The following DCUN1D1 variants were observed in gnomAD, a reference collection of about 807,000 sequenced individuals.
DCUN1D1 encodes defective in cullin neddylation 1 domain containing 1, also known as DCN1-like protein 1.
A neutral mutation model predicts 39.0 loss-of-function variants in DCUN1D1; 3 were observed. The ratio of observed to expected loss-of-function variants is 0.08; its 90% CI spans 0.04 to 0.20. The LOEUF (loss-of-function observed/expected upper bound fraction) is 0.20. Among genes scored for constraint, DCUN1D1 ranks in the 10% least tolerant of loss-of-function variants. DCUN1D1 has a pLI of 1.00. For synonymous variants in DCUN1D1, 82 were observed against 96.3 expected (o/e 0.85, Z 0.87); for missense variants, 158 against 302.4 (o/e 0.52, Z 3.54).
intron 1 of DCUN1D1, among the ~76,000 whole-genome samples, chr3:182,976,941 T>TA (rs1361860035): frequency 6.6e-6 from 1 of 152,268 alleles, no homozygotes; most frequent in African/African-American, 2.4e-5. Flanking sequence ...TATTTGAATT[T>TA]ACAAATTCTA....
Position 182,949,300 on chromosome 3 carries a change from T to C in DCUN1D1, c.521-1668A>G, listed in dbSNP as rs560929927. 4.6e-5 allele frequency among the ~76,000 whole-genome samples: 7 copies of C among 152,066 alleles called. No homozygotes were observed. In the East Asian group the frequency reaches 5.8e-4, roughly 13 times the overall value. ...ATTTCTTGAACCTGGGAGGTGGAGG[T>C]TGCAGGGGGCCAAGATCATGCCACT... On this transcript the variant is annotated intron_variant, in intron 4 of 6. Transcript: ENST00000292782.
chr3:182,948,116 T>C (rs776724097), intron 4 of DCUN1D1, among the ~76,000 whole-genome samples: 1 of 152,136 alleles, frequency 6.6e-6, no homozygotes, highest in Non-Finnish European at 1.5e-5. Context: ...AATGTCTCCA[T>C]ATATTGCCAA....
At chr3:182,946,556 CA>C (rs71185614) in intron 6 of DCUN1D1, among the ~76,000 whole-genome samples, 2,039 of 61,488 alleles carry the variant, frequency 0.033, 20 homozygotes, top group African/African-American at 0.15. Context: ...GACTCCATCT[CA>C]AAAAAAAAAA....
At chr3:182,982,078 T>TC (rs1728572935), upstream of DCUN1D1, among the ~76,000 whole-genome samples, 3 of 152,192 alleles carry the variant, frequency 2.0e-5, no homozygotes, top group Non-Finnish European at 4.4e-5. Flanking sequence ...TCCAATCTGT[T>TC]CTACTCCATT....
At position 182,944,208 on chromosome 3, in the gene DCUN1D1, T is replaced by C. The variant is rs1726279704; in HGVS notation, c.*886A>G. ...TGCCTAAATTTAGAATATTGTATTG[T>C]GTAGCAATCCAAAACATTCAAAACA... On this transcript the variant is annotated 3_prime_UTR_variant, in exon 7 of 7. Coordinates refer to ENST00000292782, the MANE Select transcript of DCUN1D1 (RefSeq NM_020640.4). 1 of 152,606 alleles carries C rather than the reference T, an allele frequency of 6.6e-6. No homozygotes were observed. Among genetic ancestry groups the C allele is most frequent in the Middle Eastern group, 3.2e-3 (1 of 316 alleles). The allele number at this position is 152,606 out of a possible 1,614,324, so 9.5% of individuals were successfully genotyped here. A position where few individuals can be genotyped will look rare whatever the true frequency, so the allele number is the denominator to read the frequency against.
chr3:182,970,349 C>G (rs1390878485), intron 1 of DCUN1D1, among the ~76,000 whole-genome samples: 1 of 152,092 alleles, frequency 6.6e-6, no homozygotes, highest in Non-Finnish European at 1.5e-5. Context: ...GTTTAAAAAG[C>G]CTTCCCATTA....
Position 182,977,895 on chromosome 3 carries a change from C to T in DCUN1D1, c.3+2592G>A, listed in dbSNP as rs189770683. Among the ~76,000 whole-genome samples, 122 of 151,944 alleles carry T rather than the reference C, an allele frequency of 8.0e-4. 1 individual carries two copies. Among genetic ancestry groups the T allele is most frequent in the Admixed American group, 1.8e-3 (27 of 15,278 alleles). On this transcript the variant is annotated intron_variant, in intron 1 of 6. Coordinates refer to ENST00000292782, the MANE Select transcript of DCUN1D1 (RefSeq NM_020640.4). ...TCTCTACTAAAAATACAAAAATCAG[C>T]CGGGTATGTTGGCGGGCACCTATAA...
rs1577150315 is a variant in DCUN1D1, at chr3:182,941,830, C to T, written c.*3264G>A. ...CCACTTTTTTATTCCAAAACTCCTT[C>T]GATTAGGTTTAACTTTCTCCTGTCA... On this transcript the variant is annotated 3_prime_UTR_variant, in exon 7 of 7. Coordinates refer to ENST00000292782, the MANE Select transcript of DCUN1D1 (RefSeq NM_020640.4). 2.0e-5 allele frequency: 3 copies of T among 152,032 alleles called. No individual in the cohort carries two copies. The highest frequency in any genetic ancestry group is 3.8e-4 in the East Asian group (2 of 5,202). The allele number at this position is 152,032 out of a possible 1,614,324, so 9.4% of individuals were successfully genotyped here.
At chr3:182,982,086 A>G (rs1728573288), upstream of DCUN1D1, among the ~76,000 whole-genome samples, 2 of 152,200 alleles carry the variant, frequency 1.3e-5, no homozygotes, top group Admixed American at 1.3e-4. Context: ...GTTCTACTCC[A>G]TTGAAATAAT....
intron 3 of DCUN1D1, among the ~76,000 whole-genome samples, 194 bp downstream of exon 3, chr3:182,963,687 A>G (rs950993191): frequency 2.6e-5 from 4 of 152,244 alleles, no homozygotes; most frequent in African/African-American, 9.6e-5. Flanking sequence ...GCCAAATAGA[A>G]TAGGCTGTAC....
At chr3:182,961,578 A>G (rs1490530821) in intron 3 of DCUN1D1, among the ~76,000 whole-genome samples, 2 of 152,204 alleles carry the variant, frequency 1.3e-5, no homozygotes, top group African/African-American at 4.8e-5. Flanking sequence ...AATTACTTTT[A>G]AAAGAAACAG....
upstream of DCUN1D1, among the ~76,000 whole-genome samples, chr3:182,981,598 A>C (rs906936561): frequency 1.3e-5 from 2 of 152,232 alleles, no homozygotes; most frequent in Non-Finnish European, 2.9e-5. Flanking sequence ...AGAAAGTCAC[A>C]TCTGAAACTG....
chr3:182,974,469 G>A (rs1333916232), intron 1 of DCUN1D1, among the ~76,000 whole-genome samples: 5 of 94,898 alleles, frequency 5.3e-5, no homozygotes, highest in Non-Finnish European at 1.3e-4. Flanking sequence ...AGATTACTGA[G>A]GCCAAAAAAA....
At position 182,943,105 on chromosome 3, in the gene DCUN1D1, C is replaced by T. The variant is rs1577151863; in HGVS notation, c.*1989G>A. 9.4e-6 allele frequency: 1 copy of T among 106,212 alleles called. No homozygotes were observed. Among genetic ancestry groups the T allele is most frequent in the South Asian group, 3.2e-4 (1 of 3,098 alleles). 6.6% of individuals were successfully genotyped at this position (106,212 alleles called of 1,614,324 possible). On this transcript the variant is annotated 3_prime_UTR_variant, in exon 7 of 7. Transcript: ENST00000292782. ...ACCAATATGACTTTTAAAGAAAACA[C>T]TTTATATTGAAAAAAAAAAAAAAAA...
chr3:182,952,969 A>G (rs1726834131), intron 4 of DCUN1D1, among the ~76,000 whole-genome samples: 1 of 152,178 alleles, frequency 6.6e-6, no homozygotes, highest in Non-Finnish European at 1.5e-5. Flanking sequence ...TCCATGTTAA[A>G]ATTCTTCAAT....
At chr3:182,974,169 T>C (rs1161351482) in intron 1 of DCUN1D1, among the ~76,000 whole-genome samples, 1 of 151,938 alleles carries the variant, frequency 6.6e-6, no homozygotes, top group African/African-American at 2.4e-5. Context: ...GGAGAATCGT[T>C]TGAATCCAGG....
intron 3 of DCUN1D1, among the ~76,000 whole-genome samples, chr3:182,961,650 T>C (rs1163498551): frequency 6.6e-6 from 1 of 152,228 alleles, no homozygotes; most frequent in Non-Finnish European, 1.5e-5. Flanking sequence ...AGAAGTCAGC[T>C]TCAGTGGATA....
intron 6 of DCUN1D1, 79 bp downstream of exon 6, chr3:182,947,155 AAAAC>A: frequency 1.4e-6 from 1 of 726,784 alleles, no homozygotes; most frequent in East Asian, 2.9e-5. Context: ...AACTCCGAGA[AAAAC>A]AAAAGTACCT....
chr3:182,958,537 TATAAC>T (rs1037837434), intron 4 of DCUN1D1, among the ~76,000 whole-genome samples: 5 of 152,180 alleles, frequency 3.3e-5, no homozygotes, highest in African/African-American at 9.6e-5. Flanking sequence ...GTTAAATACA[TATAAC>T]ATAAAGTTTA....
Sources: allele counts gnomAD v4.1 joint callset (sites outside exome capture counted in the v4.1 genomes callset), GRCh38; gene constraint gnomAD v4.1.1; transcripts MANE v1.5; gene names NCBI Gene and HGNC (gene_info 2026-07-23, HGNC 2026-07-21).